UBP1: variants seen among roughly 807,000 people sequenced by gnomAD.
UBP1 encodes upstream-binding protein 1.
Under a neutral mutation model 76.1 loss-of-function variants are expected in UBP1, and 22 were observed. That is an observed-to-expected ratio of 0.29 (90% CI 0.21 to 0.41). UBP1 has a LOEUF of 0.41. UBP1 is among the 10% of genes least tolerant of loss of function. The pLI, the probability that UBP1 is intolerant of heterozygous loss-of-function variation, is 1.00. For missense variants in UBP1, 436 were observed against 668.1 expected (o/e 0.65, Z 3.83); for synonymous variants, 224 against 237.1 (o/e 0.94, Z 0.51).
At chr3:33,402,647 T>G (rs1240541873) in intron 9 of UBP1, among the ~76,000 whole-genome samples, 154 bp downstream of exon 9, 1 of 152,006 alleles carries the variant, frequency 6.6e-6, no homozygotes. Context: ...GAAAAGACAA[T>G]GATTGTCCTC....
chr3:33,427,546 A>G (rs2045038939), intron 1 of UBP1, among the ~76,000 whole-genome samples: 1 of 152,204 alleles, frequency 6.6e-6, no homozygotes, highest in Non-Finnish European at 1.5e-5. Flanking sequence ...GCTGTTCACT[A>G]AGATACTTGG....
chr3:33,395,235 C>G (rs532238875), intron 13 of UBP1, among the ~76,000 whole-genome samples: 4 of 152,238 alleles, frequency 2.6e-5, no homozygotes, highest in African/African-American at 9.6e-5. Context: ...TGCTATCCTT[C>G]CAATTTTTCA....
At chr3:33,416,268 A>G (rs2044726263) in intron 3 of UBP1, among the ~76,000 whole-genome samples, 1 of 152,184 alleles carries the variant, frequency 6.6e-6, no homozygotes, top group African/African-American at 2.4e-5. Context: ...AGGAGGGGCC[A>G]GGGGGCAGGG....
intron 1 of UBP1, among the ~76,000 whole-genome samples, chr3:33,436,558 T>C (rs888018150): frequency 6.6e-6 from 1 of 151,724 alleles, no homozygotes; most frequent in Non-Finnish European, 1.5e-5. Context: ...TCAAAATTTT[T>C]AAAAGAGTAA....
intron 8 of UBP1, among the ~76,000 whole-genome samples, chr3:33,403,974 G>A (rs1047207853): frequency 2.6e-5 from 4 of 152,250 alleles, no homozygotes; most frequent in East Asian, 1.9e-4. Context: ...GGCTGGACAC[G>A]GTGACTCATG....
At chr3:33,392,395 A>T in intron 15 of UBP1, 168 bp downstream of exon 15, 1 of 591,066 alleles carries the variant, frequency 1.7e-6, no homozygotes, top group Non-Finnish European at 2.8e-6. Context: ...CCTCTTCCTT[A>T]TATGCTAATT....
intron 8 of UBP1, among the ~76,000 whole-genome samples, chr3:33,404,696 G>GTC (rs879775562): frequency 3.9e-5 from 6 of 152,036 alleles, no homozygotes; most frequent in Non-Finnish European, 8.8e-5. Flanking sequence ...AAGTTTTTCT[G>GTC]TAAGTCAGGT....
At chr3:33,416,887 G>A in intron 2 of UBP1, 53 bp from the exon 3 acceptor site, 1 of 1,429,212 alleles carries the variant, frequency 7.0e-7, no homozygotes, top group Non-Finnish European at 9.8e-7. Flanking sequence ...ACATCACTTT[G>A]CTTAACATAA....
chr3:33,412,851 A>G (rs374788712), intron 3 of UBP1, 24 bp from the exon 4 acceptor site: 2 of 1,516,752 alleles, frequency 1.3e-6, no homozygotes, highest in African/African-American at 2.7e-5. Flanking sequence ...GCGGAAAATG[A>G]GTACTTTTAA....
At chr3:33,433,070 T>A (rs1170354068) in intron 1 of UBP1, among the ~76,000 whole-genome samples, 1 of 151,564 alleles carries the variant, frequency 6.6e-6, no homozygotes, top group Non-Finnish European at 1.5e-5. Context: ...AGTTTTTTGT[T>A]TTTTTTTTGA....
intron 10 of UBP1, among the ~76,000 whole-genome samples, 175 bp from the exon 11 acceptor site, chr3:33,400,457 T>C (rs968671923): frequency 1.3e-5 from 2 of 152,014 alleles, no homozygotes; most frequent in East Asian, 1.9e-4. Context: ...TGATACACAA[T>C]GGGATGCTAT....
At chr3:33,422,627 G>A (rs1306949567) in intron 2 of UBP1, among the ~76,000 whole-genome samples, 1 of 151,708 alleles carries the variant, frequency 6.6e-6, no homozygotes, top group Non-Finnish European at 1.5e-5. Flanking sequence ...CAGGAGGCTA[G>A]GGTGGGTGGA....
Position 33,390,109 on chromosome 3 carries a change from G to A in UBP1, c.*222C>T. 1.9e-6 allele frequency: 1 copy of A among 522,438 alleles called. No homozygotes were observed. 32.4% of individuals were successfully genotyped at this position (522,438 alleles called of 1,614,324 possible). On this transcript the variant is annotated 3_prime_UTR_variant, in exon 16 of 16. Coordinates refer to ENST00000283629, the MANE Select transcript of UBP1 (RefSeq NM_014517.5). ...TGCACCGTGGCCTCCAGAGCTGGAT[G>A]CATGCTGTGCCGATGTGCTCACTCT...
chr3:33,431,990 A>G (rs2045122131), intron 1 of UBP1, among the ~76,000 whole-genome samples: 1 of 152,178 alleles, frequency 6.6e-6, no homozygotes, highest in Admixed American at 6.5e-5. Context: ...TCTCATATCC[A>G]TTAAATAAAT....
At chr3:33,433,980 GA>G in intron 1 of UBP1, among the ~76,000 whole-genome samples, 1 of 151,702 alleles carries the variant, frequency 6.6e-6, no homozygotes, top group Non-Finnish European at 1.5e-5. Flanking sequence ...GAAAAAAAAA[GA>G]AAAAAGCATC....
chr3:33,429,300 T>C lies in UBP1; in HGVS notation c.114-3559A>G, dbSNP rs745570396. 2.6e-5 allele frequency among the ~76,000 whole-genome samples: 4 copies of C among 152,280 alleles called. No homozygotes were observed. The South Asian group carries it at 6.2e-4, about 24-fold the overall frequency. ...GTAATCCCATAAATGGAAACAGACT[T>C]TTGAGTACTAAAGACAGAATGTTAA... On this transcript the variant is annotated intron_variant, in intron 1 of 15. Transcript: ENST00000283629.
chr3:33,434,705 T>TTA (rs2045176396), intron 1 of UBP1, among the ~76,000 whole-genome samples: 1 of 137,344 alleles, frequency 7.3e-6, no homozygotes, highest in Non-Finnish European at 1.6e-5. Flanking sequence ...TTTTTTTTTT[T>TTA]GAGATGGAGT....
chr3:33,419,628 CAAA>C (rs34615713), intron 2 of UBP1, among the ~76,000 whole-genome samples: 1 of 100,822 alleles, frequency 9.9e-6, no homozygotes. Context: ...GACTCCATCT[CAAA>C]AAAAAAAAAA....
chr3:33,416,477 T>C (rs1390798882), intron 3 of UBP1, among the ~76,000 whole-genome samples: 1 of 152,238 alleles, frequency 6.6e-6, no homozygotes, highest in East Asian at 1.9e-4. Flanking sequence ...TATTATCTTT[T>C]ACTTTTAGAG....
Sources: allele counts gnomAD v4.1 joint callset (sites outside exome capture counted in the v4.1 genomes callset), GRCh38; gene constraint gnomAD v4.1.1; transcripts MANE v1.5; gene names NCBI Gene and HGNC (gene_info 2026-07-23, HGNC 2026-07-21).